The following LRRK2 variants were observed in gnomAD, a reference collection of about 807,000 sequenced individuals.
LRRK2 encodes the protein leucine-rich repeat serine/threonine-protein kinase 2.
In LRRK2, 203 loss-of-function variants were observed where a neutral mutation model predicts 302.6. The ratio of observed to expected loss-of-function variants is 0.67; its 90% CI spans 0.60 to 0.75. The LOEUF (loss-of-function observed/expected upper bound fraction) is 0.75, where lower values mean the gene tolerates loss of function less well. LRRK2 is among the 30% of genes least tolerant of loss of function. The pLI, the probability that LRRK2 is intolerant of heterozygous loss-of-function variation, is 0.00. For synonymous variants in LRRK2, 1,066 were observed against 1,031.9 expected (o/e 1.03, Z -0.63); for missense variants, 2,830 against 2,951.0 (o/e 0.96, Z 0.95).
At chr12:40,285,298 G>C (rs1278906923) in intron 19 of LRRK2, among the ~76,000 whole-genome samples, 1 of 151,252 alleles carries the variant, frequency 6.6e-6, no homozygotes, top group Non-Finnish European at 1.5e-5. Context: ...CTACTTTTTG[G>C]TAAATTGTTA....
intron 37 of LRRK2, among the ~76,000 whole-genome samples, chr12:40,322,758 C>T (rs757257630): frequency 7.2e-5 from 11 of 151,890 alleles, no homozygotes; most frequent in South Asian, 2.1e-4. Flanking sequence ...TCTGTGAAAC[C>T]GGAATACCAA....
chr12:40,243,518 C>A, intron 6 of LRRK2, 32 bp from the exon 7 acceptor site: 1 of 1,607,138 alleles, frequency 6.2e-7, no homozygotes, highest in Non-Finnish European at 8.5e-7. Context: ...ACATGGTTAC[C>A]TTATTGATAA....
chr12:40,281,963 A>G (rs910939603), intron 18 of LRRK2, among the ~76,000 whole-genome samples: 1 of 152,136 alleles, frequency 6.6e-6, no homozygotes, highest in Admixed American at 6.5e-5. Context: ...AAAAAAAGTT[A>G]CTGGGCTATA....
At chr12:40,254,863 T>TA (rs765339308) in intron 11 of LRRK2, among the ~76,000 whole-genome samples, 2 of 152,194 alleles carry the variant, frequency 1.3e-5, no homozygotes, top group Non-Finnish European at 2.9e-5. Context: ...AGTTCTGCCT[T>TA]AATAAAGCAT....
intron 46 of LRRK2, among the ~76,000 whole-genome samples, chr12:40,358,466 C>T (rs1045489298): frequency 6.6e-6 from 1 of 152,142 alleles, no homozygotes; most frequent in African/African-American, 2.4e-5. Context: ...GCTTTTCCAG[C>T]ACAATTTATT....
At chr12:40,236,460 C>A (rs1941471338) in intron 4 of LRRK2, among the ~76,000 whole-genome samples, 1 of 152,164 alleles carries the variant, frequency 6.6e-6, no homozygotes, top group Non-Finnish European at 1.5e-5. Context: ...AACAAAAAAT[C>A]TTGAAATGAT....
In LRRK2 at chr12:40,290,486, C is replaced by T. The variant is rs1592231890; in HGVS notation, c.2689+2947C>T. ...GTAAAGGTATTTTCTTCTTAAATGT[C>T]TGATAGACTTCACCAGCAAAGGCCA... is the stretch of plus-strand genomic sequence containing the variant. On this transcript the variant is annotated intron_variant, in intron 20 of 50. Coordinates refer to ENST00000298910, the MANE Select transcript of LRRK2 (RefSeq NM_198578.4). 4.6e-5 allele frequency among the ~76,000 whole-genome samples: 7 copies of T among 152,020 alleles called. 1 individual carries two copies. Among genetic ancestry groups the T allele is most frequent in the Admixed American group, 4.6e-4 (7 of 15,212 alleles).
At chr12:40,280,593 C>A (rs987739572) in intron 18 of LRRK2, among the ~76,000 whole-genome samples, 2 of 146,138 alleles carry the variant, frequency 1.4e-5, no homozygotes, top group Non-Finnish European at 3.0e-5. Context: ...CCATTGCACT[C>A]CAGCCTAGGC....
chr12:40,239,839 C>G (rs1941648158), intron 5 of LRRK2, among the ~76,000 whole-genome samples: 1 of 152,116 alleles, frequency 6.6e-6, no homozygotes, highest in South Asian at 2.1e-4. Flanking sequence ...TGTTTTCTAA[C>G]ATATTTCTGG....
At position 40,314,073 on chromosome 12, in the gene LRRK2, C is replaced by G. The variant is rs144529349; in HGVS notation, c.4638C>G (p.Pro1546=). ...SERKNVPIEF[P]VIDRKRLLQL... ...GTAAAAATGTGCCAATTGAATTTCC[C>G]GTAATTGACCGGAAACGATTATTAC... The change falls in exon 32 of 51, where the codon CCC becomes CCG. Residue 1546 remains proline (P), a synonymous_variant. Transcript: ENST00000298910. 4 of 1,612,492 alleles carry G rather than the reference C, an allele frequency of 2.5e-6. No homozygotes were observed. The highest frequency in any genetic ancestry group is 3.4e-6 in the Non-Finnish European group (4 of 1,178,916).
chr12:40,319,799 T>TG, intron 33 of LRRK2, among the ~76,000 whole-genome samples, 189 bp from the exon 34 acceptor site: 1 of 151,990 alleles, frequency 6.6e-6, no homozygotes, highest in Non-Finnish European at 1.5e-5. Flanking sequence ...TTTTTTTTTT[T>TG]TTTGAGAGTG....
intron 3 of LRRK2, among the ~76,000 whole-genome samples, chr12:40,234,620 C>G (rs886546260): frequency 4.6e-5 from 7 of 151,838 alleles, no homozygotes; most frequent in Non-Finnish European, 7.4e-5. Context: ...CTCATGATCC[C>G]CCCGCCTCGG....
intron 44 of LRRK2, among the ~76,000 whole-genome samples, chr12:40,353,276 GCCGGGCA>G (rs1461714360): frequency 4.0e-4 from 7 of 17,344 alleles, no homozygotes; most frequent in African/African-American, 6.3e-4. Context: ...CGGGGCGGCT[GCCGGGCA>G]GAGGGACTCC....
intron 3 of LRRK2, among the ~76,000 whole-genome samples, chr12:40,234,354 G>GATATGCTAA (rs1228292971): frequency 7.8e-6 from 1 of 128,770 alleles, no homozygotes; most frequent in African/African-American, 2.9e-5. Context: ...AAACATTATT[G>GATATGCTAA]ATATGCTAAA....
At chr12:40,361,423 G>C (rs933908495) in intron 47 of LRRK2, among the ~76,000 whole-genome samples, 5 of 152,030 alleles carry the variant, frequency 3.3e-5, no homozygotes, top group Non-Finnish European at 5.9e-5. Flanking sequence ...GTGATGCTGA[G>C]GTTTGGAATA....
chr12:40,295,140 CAA>C (rs1944330346), intron 22 of LRRK2, among the ~76,000 whole-genome samples: 1 of 151,512 alleles, frequency 6.6e-6, no homozygotes, highest in Non-Finnish European at 1.5e-5. Context: ...TTTTTTTTTA[CAA>C]GTTTTCTGAA....
Position 40,320,181 on chromosome 12 carries a change from G to A in LRRK2, c.5015+6G>A, listed in dbSNP as rs1461570366. ...TATTTGCTGGTTCCAAGCAGGTAAA[G>A]AAAACCTTAAAAAATTAATTGCTAC... On this transcript the variant is annotated splice_donor_region_variant and intron_variant, in intron 34 of 50. Transcript: ENST00000298910. The A allele has an allele frequency of 6.2e-7, 1 of 1,609,590 alleles. No homozygotes were observed. The highest frequency in any genetic ancestry group is 8.5e-7 in the Non-Finnish European group (1 of 1,177,384).
At chr12:40,296,203 ATAGT>A (rs1294050411) in intron 23 of LRRK2, among the ~76,000 whole-genome samples, 1 of 152,162 alleles carries the variant, frequency 6.6e-6, no homozygotes, top group African/African-American at 2.4e-5. Context: ...AAAGTATAAC[ATAGT>A]TTGTTGATAG....
At chr12:40,367,267 T>A in intron 50 of LRRK2, 190 bp downstream of exon 50, 1 of 548,828 alleles carries the variant, frequency 1.8e-6, no homozygotes, top group Non-Finnish European at 3.2e-6. Flanking sequence ...GTTAAATATT[T>A]ATATTTTCAG....
Sources: allele counts gnomAD v4.1 joint callset (sites outside exome capture counted in the v4.1 genomes callset), GRCh38; gene constraint gnomAD v4.1.1; transcripts MANE v1.5; gene names NCBI Gene and HGNC (gene_info 2026-07-23, HGNC 2026-07-21).